The following PTPRN2 variants were observed in gnomAD, a reference collection of about 807,000 sequenced individuals.
The protein encoded by PTPRN2 is receptor-type tyrosine-protein phosphatase N2.
In PTPRN2, 74 loss-of-function variants were observed where a neutral mutation model predicts 118.8. The observed-to-expected ratio is 0.62, with a 90% confidence interval of 0.52 to 0.76. PTPRN2 has a LOEUF of 0.76. Among genes scored for constraint, PTPRN2 ranks in the 30% least tolerant of loss-of-function variants. The pLI is 0.00. For missense variants in PTPRN2, 1,481 were observed against 1,394.4 expected (o/e 1.06, Z -0.99); for synonymous variants, 641 against 608.0 (o/e 1.05, Z -0.80).
intron 12 of PTPRN2, among the ~76,000 whole-genome samples, chr7:157,819,663 A>G (rs1430268164): frequency 1.3e-5 from 2 of 151,802 alleles, no homozygotes; most frequent in Non-Finnish European, 2.9e-5. Flanking sequence ...TTGGCAGCGC[A>G]GGTGCATTCA....
chr7:157,660,675 T>G (rs1222072500), intron 13 of PTPRN2, among the ~76,000 whole-genome samples: 1 of 152,184 alleles, frequency 6.6e-6, no homozygotes, highest in African/African-American at 2.4e-5. Context: ...TGAATAGAAG[T>G]TAGGGCCGTT....
intron 11 of PTPRN2, among the ~76,000 whole-genome samples, chr7:157,905,814 G>C (rs939600435): frequency 6.6e-6 from 1 of 152,216 alleles, no homozygotes; most frequent in Middle Eastern, 3.2e-3. Context: ...CAGGCCCGGG[G>C]TGAAGCTGTC....
At chr7:157,665,256 C>T (rs768354597) in intron 13 of PTPRN2, among the ~76,000 whole-genome samples, 7 of 152,216 alleles carry the variant, frequency 4.6e-5, no homozygotes, top group Non-Finnish European at 4.4e-5. Flanking sequence ...GTTTATGATC[C>T]GCGACTATGC....
At chr7:157,876,873 G>A (rs1795798909) in intron 12 of PTPRN2, among the ~76,000 whole-genome samples, 1 of 152,204 alleles carries the variant, frequency 6.6e-6, no homozygotes, top group African/African-American at 2.4e-5. Flanking sequence ...GCCGCAGGAG[G>A]CACTAGGGAC....
At chr7:158,280,331 G>A (rs1011690083) in intron 3 of PTPRN2, among the ~76,000 whole-genome samples, 2 of 152,224 alleles carry the variant, frequency 1.3e-5, no homozygotes, top group Non-Finnish European at 2.9e-5. Context: ...GCTGCCTAGG[G>A]GAGGCCGGCA....
At chr7:157,643,536 C>T (rs550864567) in intron 14 of PTPRN2, among the ~76,000 whole-genome samples, 4 of 152,320 alleles carry the variant, frequency 2.6e-5, no homozygotes, top group Admixed American at 1.3e-4. Flanking sequence ...CCGTGATGGC[C>T]GCTGACCAAG....
rs1413300065 is a variant in PTPRN2, at chr7:158,317,961, C to T, written c.164-1029G>A. Reference sequence around the variant, plus strand: ...GGTTTCTATGGGACTTTGCAAAGCCCAGGGAATCCGGGAGGCAGCCTGGCA... The same window carrying T: ...GGTTTCTATGGGACTTTGCAAAGCCTAGGGAATCCGGGAGGCAGCCTGGCA... On this transcript the variant is annotated intron_variant, in intron 2 of 22. Transcript: ENST00000389418. Among the ~76,000 whole-genome samples the T allele has an allele frequency of 2.0e-5, 3 of 152,302 alleles. No homozygotes were observed. In the East Asian group the frequency reaches 5.8e-4, roughly 29 times the overall value.
intron 2 of PTPRN2, among the ~76,000 whole-genome samples, chr7:158,424,009 A>T (rs1298453891): frequency 1.3e-5 from 2 of 152,330 alleles, no homozygotes; most frequent in East Asian, 3.9e-4. Context: ...GAGAAAGATT[A>T]ATTCGGAAGA....
At chr7:158,553,371 T>C (rs1826787087) in intron 1 of PTPRN2, among the ~76,000 whole-genome samples, 1 of 147,174 alleles carries the variant, frequency 6.8e-6, no homozygotes, top group African/African-American at 2.5e-5. Context: ...CCTGTGTATA[T>C]GCACAGGCTT....
intron 22 of PTPRN2, among the ~76,000 whole-genome samples, chr7:157,547,233 C>T (rs533886600): frequency 3.2e-4 from 49 of 152,332 alleles, no homozygotes; most frequent in African/African-American, 9.4e-4. Flanking sequence ...ATGTGTGCCC[C>T]GTTCTCCCAG....
intron 11 of PTPRN2, among the ~76,000 whole-genome samples, chr7:158,005,637 G>C (rs1805584475): frequency 6.6e-6 from 1 of 152,200 alleles, no homozygotes; most frequent in African/African-American, 2.4e-5. Flanking sequence ...GGGGTGCAGG[G>C]GGAGGTGCAG....
intron 2 of PTPRN2, among the ~76,000 whole-genome samples, chr7:158,434,180 T>G (rs1816418051): frequency 6.6e-6 from 1 of 152,242 alleles, no homozygotes; most frequent in African/African-American, 2.4e-5. Context: ...ATTTTGATAG[T>G]TGCAGTGTGT....
intron 12 of PTPRN2, among the ~76,000 whole-genome samples, chr7:157,890,585 T>A (rs972820028): frequency 6.6e-6 from 1 of 152,210 alleles, no homozygotes. Context: ...GAGCTTGCAG[T>A]GAGCTGAGAT....
At chr7:157,850,133 T>A (rs1431912037) in intron 12 of PTPRN2, among the ~76,000 whole-genome samples, 1 of 152,196 alleles carries the variant, frequency 6.6e-6, no homozygotes, top group Non-Finnish European at 1.5e-5. Context: ...CAAACAGAGC[T>A]CAGGTTATCC....
chr7:157,689,151 G>C (rs1038060683), intron 12 of PTPRN2, among the ~76,000 whole-genome samples: 6 of 152,224 alleles, frequency 3.9e-5, no homozygotes, highest in African/African-American at 1.4e-4. Flanking sequence ...GAGGGGGCGG[G>C]AGGGCACTTT....
intron 12 of PTPRN2, among the ~76,000 whole-genome samples, chr7:157,771,324 C>A (rs1802789615): frequency 6.6e-6 from 1 of 152,238 alleles, no homozygotes; most frequent in Non-Finnish European, 1.5e-5. Flanking sequence ...ACAGGGCTCT[C>A]CAATTTGGGA....
intron 14 of PTPRN2, among the ~76,000 whole-genome samples, chr7:157,621,986 A>T (rs1026284996): frequency 7.9e-5 from 12 of 152,156 alleles, no homozygotes; most frequent in Admixed American, 5.2e-4. Context: ...TGAAACAAAC[A>T]CAAATGGATG....
chr7:158,272,749 C>T lies in PTPRN2; in HGVS notation c.277+44070G>A, dbSNP rs568983679. On this transcript the variant is annotated intron_variant, in intron 3 of 22. Transcript: ENST00000389418. ...GTCGCATCTGCCAGATCCCTTTCAC[C>T]AGACTGCAGAGTGAGGTGAAACCAG... is the stretch of plus-strand genomic sequence containing the variant. Among the ~76,000 whole-genome samples the T allele has an allele frequency of 2.0e-5, 3 of 152,300 alleles. No homozygotes were observed. The East Asian group carries it at 5.8e-4, about 29-fold the overall frequency.
In PTPRN2 at chr7:157,895,362, T is replaced by TA. The variant is rs568423226; in HGVS notation, c.1788+3310dup. Reference sequence around the variant, plus strand: ...AGAGGGTCTGAACGAGTCAATAAAATAAGCCAGAGGGTCTGAACGAGACCA... The same window carrying TA: ...AGAGGGTCTGAACGAGTCAATAAAATAAAGCCAGAGGGTCTGAACGAGACCA... On this transcript the variant is annotated intron_variant, in intron 12 of 22. Coordinates refer to ENST00000389418, the MANE Select transcript of PTPRN2 (RefSeq NM_002847.5). Among the ~76,000 whole-genome samples, 26 of 146,606 alleles carry TA rather than the reference T, an allele frequency of 1.8e-4. No individual in the cohort carries two copies. The East Asian group carries it at 4.7e-3, about 27-fold the overall frequency.
Sources: allele counts gnomAD v4.1 joint callset (sites outside exome capture counted in the v4.1 genomes callset), GRCh38; gene constraint gnomAD v4.1.1; transcripts MANE v1.5; gene names NCBI Gene and HGNC (gene_info 2026-07-23, HGNC 2026-07-21).